The following ABCB10 variants were observed in gnomAD, a reference collection of about 807,000 sequenced individuals.
ABCB10 encodes the protein ATP binding cassette subfamily B member 10.
Under a neutral mutation model 65.4 loss-of-function variants are expected in ABCB10, and 54 were observed. The observed-to-expected ratio is 0.83, with a 90% CI of 0.66 to 1.04. The LOEUF is 1.04. Ranked by LOEUF, ABCB10 falls within the 50% of genes least tolerant of loss-of-function variation. The pLI, the probability that ABCB10 is intolerant of heterozygous loss-of-function variation, is 0.00. For synonymous variants in ABCB10, 418 were observed against 406.5 expected (o/e 1.03, Z -0.34); for missense variants, 846 against 976.6 (o/e 0.87, Z 1.78).
At chr1:229,525,724 C>T (rs374509905) in intron 10 of ABCB10, among the ~76,000 whole-genome samples, 24 of 151,992 alleles carry the variant, frequency 1.6e-4, no homozygotes, top group African/African-American at 5.6e-4. Context: ...CCCAGCTACT[C>T]GGGAGGCTGA....
In ABCB10 at chr1:229,547,666, A is replaced by G. The variant is rs769771285; in HGVS notation, c.754T>C (p.Phe252Leu). 6.2e-7 allele frequency: 1 copy of G among 1,614,200 alleles called. No homozygotes were observed. Among genetic ancestry groups the G allele is most frequent in the Non-Finnish European group, 8.5e-7 (1 of 1,180,028 alleles). Residue 252 changes from phenylalanine (F) to leucine (L), a missense_variant, in exon 3 of 13, where the codon TTC (phenylalanine) becomes CTC (leucine). Physicochemically the swap from Phe to Leu is conservative, Grantham distance 22 (BLOSUM62 0). Around this residue, in one of 2 missense-constraint regions of ABCB10, gnomAD observed 632 missense variants for 803.2 expected, o/e 0.79. Transcript: ENST00000344517. The part of the protein sequence containing the change: ...RIVNRLRTSL[F>L]SSILRQEVAF... ...ACCTCCTGCCTCAGAATGGAGGAGAATAATGAAGTTCTCAGCCTATTCACA... is the reference window on the plus strand; with the variant it reads ...ACCTCCTGCCTCAGAATGGAGGAGAGTAATGAAGTTCTCAGCCTATTCACA...
intron 1 of ABCB10, among the ~76,000 whole-genome samples, chr1:229,555,377 C>CAGTGA (rs1489917901): frequency 6.6e-6 from 1 of 152,230 alleles, no homozygotes; most frequent in African/African-American, 2.4e-5. Context: ...GGAGAATTAT[C>CAGTGA]AGTGAAAAGG....
At chr1:229,519,165 G>C (rs1208884106) in intron 11 of ABCB10, 1 of 252,826 alleles carries the variant, frequency 4.0e-6, no homozygotes, top group African/African-American at 2.2e-5. Context: ...GGTCCCTGGG[G>C]GGGTGATGAA....
At chr1:229,546,842 C>A (rs1662979034) in intron 3 of ABCB10, among the ~76,000 whole-genome samples, 1 of 152,092 alleles carries the variant, frequency 6.6e-6, no homozygotes, top group Admixed American at 6.5e-5. Context: ...TATGATCTTG[C>A]CACTGTACTC....
intron 6 of ABCB10, among the ~76,000 whole-genome samples, chr1:229,537,631 A>C (rs1176678816): frequency 6.6e-6 from 1 of 152,150 alleles, no homozygotes; most frequent in South Asian, 2.1e-4. Flanking sequence ...TATTAAAAAA[A>C]TCCAAAAAAT....
intron 9 of ABCB10, among the ~76,000 whole-genome samples, chr1:229,526,482 A>G (rs1662447462): frequency 6.6e-6 from 1 of 152,256 alleles, no homozygotes; most frequent in African/African-American, 2.4e-5. Flanking sequence ...ATTCTGACAG[A>G]ACCCTATGGA....
intron 6 of ABCB10, among the ~76,000 whole-genome samples, chr1:229,537,806 C>T (rs984398698): frequency 6.6e-5 from 10 of 152,220 alleles, no homozygotes; most frequent in East Asian, 5.8e-4. Flanking sequence ...AATAAACAAA[C>T]AAACAAACAA....
chr1:229,523,123 C>T (rs1304052985), intron 10 of ABCB10, among the ~76,000 whole-genome samples: 2 of 152,148 alleles, frequency 1.3e-5, no homozygotes, highest in African/African-American at 4.8e-5. Context: ...CACTCTAATC[C>T]TGTCTTTTTA....
At chr1:229,523,197 A>T (rs556269144) in intron 10 of ABCB10, among the ~76,000 whole-genome samples, 2 of 152,260 alleles carry the variant, frequency 1.3e-5, no homozygotes, top group Non-Finnish European at 2.9e-5. Flanking sequence ...GGTGGGATGG[A>T]GTGGAGTCAG....
chr1:229,547,522 C>G lies in ABCB10; in HGVS notation c.898G>C (p.Ala300Pro), dbSNP rs144276366. Residue 300 changes from alanine to proline, a missense_variant, in exon 3 of 13, where the codon GCT (alanine) becomes CCT (proline). By Grantham distance (27) the Ala-to-Pro change is conservative. Coordinates refer to ENST00000344517, the MANE Select transcript of ABCB10 (RefSeq NM_012089.3). The part of the protein sequence containing the change: ...LSDGLRAGAQ[A>P]SVGISMMFFV... ...ACCATCATACTGATGCCTACGGAAG[C>G]CTGGGCCCCGGCCCTGAGCCCATCT... The G allele has an allele frequency of 2.4e-5, 39 of 1,613,120 alleles. No individual in the cohort carries two copies. The African/African-American group carries it at 4.1e-4, about 17-fold the overall frequency.
At chr1:229,527,726 A>T (rs1267822667) in intron 8 of ABCB10, among the ~76,000 whole-genome samples, 1 of 152,202 alleles carries the variant, frequency 6.6e-6, no homozygotes, top group Non-Finnish European at 1.5e-5. Context: ...CACAGCTCTG[A>T]AGCTGGCATT....
intron 3 of ABCB10, 104 bp from the exon 4 acceptor site, chr1:229,542,475 G>A (rs1662876233): frequency 2.2e-6 from 3 of 1,355,016 alleles, no homozygotes; most frequent in East Asian, 2.5e-5. Context: ...GTCTGTGTGT[G>A]TGTGTGTTTA....
chr1:229,557,705 T>C (rs1362288560), intron 1 of ABCB10, among the ~76,000 whole-genome samples: 1 of 152,120 alleles, frequency 6.6e-6, no homozygotes, highest in Non-Finnish European at 1.5e-5. Context: ...ACAGACTCGC[T>C]TGAAGCAAAT....
chr1:229,539,748 T>G (rs1001074266), intron 5 of ABCB10, among the ~76,000 whole-genome samples, 157 bp from the exon 6 acceptor site: 1 of 152,212 alleles, frequency 6.6e-6, no homozygotes, highest in African/African-American at 2.4e-5. Context: ...AAAAATGGTT[T>G]TGTAATATTG....
At chr1:229,526,494 T>C (rs1662447797) in intron 9 of ABCB10, among the ~76,000 whole-genome samples, 1 of 152,022 alleles carries the variant, frequency 6.6e-6, no homozygotes, top group East Asian at 1.9e-4. Flanking sequence ...CCCTATGGAG[T>C]AGTCCTAAAA....
In ABCB10 at chr1:229,539,554, A is replaced by G; in HGVS notation, c.1241T>C (p.Leu414Pro). The change falls in exon 6 of 13, where the codon CTG (leucine) becomes CCG (proline). Residue 414 changes from leucine to proline, a missense_variant. Leu to Pro is a moderately conservative substitution (Grantham distance 98). Coordinates refer to ENST00000344517, the MANE Select transcript of ABCB10 (RefSeq NM_012089.3). ...GCCCATCAGCAGCCCTCCTTTGTAC[A>G]GGACAGAAAGCACGATCAGGTTTCC... is the stretch of plus-strand genomic sequence containing the variant. Reference protein sequence around the residue: ...LSGNLIVLSVLYKGGLLMGSA... With the variant: ...LSGNLIVLSVPYKGGLLMGSA... 6.2e-7 allele frequency: 1 copy of G among 1,614,078 alleles called. No homozygotes were observed. Among genetic ancestry groups the G allele is most frequent in the Non-Finnish European group, 8.5e-7 (1 of 1,180,004 alleles).
intron 10 of ABCB10, among the ~76,000 whole-genome samples, chr1:229,525,684 T>C (rs190304898): frequency 1.3e-5 from 2 of 152,062 alleles, no homozygotes; most frequent in African/African-American, 4.8e-5. Flanking sequence ...ACTAAAAAAT[T>C]AGCTGGACGT....
intron 3 of ABCB10, among the ~76,000 whole-genome samples, chr1:229,542,652 A>G (rs1382720278): frequency 2.0e-5 from 3 of 151,070 alleles, no homozygotes; most frequent in East Asian, 1.9e-4. Flanking sequence ...CCAATACTAG[A>G]TCAGACCACG....
rs552359128 is a variant in ABCB10 at position 229,532,479 on chromosome 1, C to G, written c.1340-748G>C. On this transcript the variant is annotated intron_variant, in intron 6 of 12. Coordinates refer to ENST00000344517, the MANE Select transcript of ABCB10 (RefSeq NM_012089.3). Reference sequence around the variant, plus strand: ...AATCCACAAAATAATACCTCACCTTCAGCCACTCAATAAATACAACTTTGA... The same window carrying G: ...AATCCACAAAATAATACCTCACCTTGAGCCACTCAATAAATACAACTTTGA... 1.1e-4 allele frequency among the ~76,000 whole-genome samples: 17 copies of G among 152,234 alleles called. No homozygotes were observed. The South Asian group carries it at 1.9e-3, about 17-fold the overall frequency.
Sources: allele counts gnomAD v4.1 joint callset (sites outside exome capture counted in the v4.1 genomes callset), GRCh38; gene constraint gnomAD v4.1.1; regional missense constraint gnomAD v4.1.1; transcripts MANE v1.5; gene names NCBI Gene and HGNC (gene_info 2026-07-23, HGNC 2026-07-21).